Variants in KIF27 observed in about 807,000 individuals in gnomAD.
The protein encoded by KIF27 is kinesin family member 27.
In KIF27, 84 loss-of-function variants were observed where a neutral mutation model predicts 141.8. That is an observed-to-expected ratio of 0.59 (90% CI 0.50 to 0.71). The LOEUF (loss-of-function observed/expected upper bound fraction) is 0.71. Among genes scored for constraint, KIF27 ranks in the 30% least tolerant of loss-of-function variants. KIF27 has a pLI of 0.00. For missense variants in KIF27, 1,306 were observed against 1,628.4 expected, an observed-to-expected ratio of 0.80 and a Z score of 3.41; for synonymous variants, 471 against 569.5, an observed-to-expected ratio of 0.83 and a Z score of 2.46.
At chr9:83,894,834 G>C (rs115722436) in intron 5 of KIF27, among the ~76,000 whole-genome samples, 3,093 of 151,842 alleles carry the variant, frequency 0.02, no homozygotes, top group African/African-American at 0.071. Context: ...AATATATATT[G>C]AGTTCTCATA....
chr9:83,848,862 G>T lies in KIF27; in HGVS notation c.3556+1237C>A, dbSNP rs1948192798. ...GGGTCTTAACTCTGTCACCCAGGCT[G>T]GAGTGCAGTGGTGTGACCACAGCCA... On this transcript the variant is annotated intron_variant, in intron 16 of 17. Transcript: ENST00000297814. 2.6e-5 allele frequency: 4 copies of T among 151,726 alleles called. No individual in the cohort carries two copies. The South Asian group carries it at 8.3e-4, about 32-fold the overall frequency. The allele number at this position is 151,726 out of a possible 1,614,324, so 9.4% of individuals were successfully genotyped here. A position where few individuals can be genotyped will look rare whatever the true frequency, so the allele number is the denominator to read the frequency against.
At chr9:83,863,690 T>C (rs1377662430) in intron 13 of KIF27, 1 of 152,258 alleles carries the variant, frequency 6.6e-6, no homozygotes, top group African/African-American at 2.4e-5. Flanking sequence ...GCTGGCCTCA[T>C]AAAATGAGTT....
intron 14 of KIF27, among the ~76,000 whole-genome samples, chr9:83,855,349 T>C (rs982025548): frequency 1.9e-4 from 29 of 152,206 alleles, no homozygotes; most frequent in Admixed American, 1.2e-3. Flanking sequence ...AGTGTGAATA[T>C]TTCTGATCTA....
chr9:83,892,204 C>T (rs1225369432), intron 5 of KIF27, among the ~76,000 whole-genome samples: 4 of 152,100 alleles, frequency 2.6e-5, no homozygotes, highest in Admixed American at 2.6e-4. Flanking sequence ...AGTCATTCAT[C>T]TTAATACTTC....
chr9:83,902,996 A>G, intron 4 of KIF27, 64 bp downstream of exon 4: 2 of 1,026,450 alleles, frequency 1.9e-6, no homozygotes. Flanking sequence ...GTACCCCCAA[A>G]ATATGTACAT....
intron 12 of KIF27, among the ~76,000 whole-genome samples, chr9:83,869,270 A>G (rs1358148921): frequency 6.6e-6 from 1 of 152,176 alleles, no homozygotes; most frequent in Non-Finnish European, 1.5e-5. Context: ...TTTTAAATAC[A>G]GTATTTTTTG....
At chr9:83,838,304 G>A (rs1946143515) in intron 17 of KIF27, among the ~76,000 whole-genome samples, 1 of 152,090 alleles carries the variant, frequency 6.6e-6, no homozygotes. Flanking sequence ...CGTGATCTCG[G>A]CTCACTGCAA....
chr9:83,842,879 C>T (rs1946758477), intron 16 of KIF27, among the ~76,000 whole-genome samples: 1 of 152,160 alleles, frequency 6.6e-6, no homozygotes, highest in South Asian at 2.1e-4. Context: ...ATTTTTCTGC[C>T]TGTAAAATTT....
chr9:83,848,323 CTATATATCTA>C lies in KIF27; in HGVS notation c.3556+1766_3556+1775del. 4.6e-5 allele frequency among the ~76,000 whole-genome samples: 4 copies of C among 86,754 alleles called. 2 individuals carry two copies. Among genetic ancestry groups the C allele is most frequent in the African/African-American group, 2.0e-4 (4 of 20,164 alleles). The allele number at this position is 86,754 out of a possible 152,430, so 56.9% of individuals were successfully genotyped here. A position where few individuals can be genotyped will look rare whatever the true frequency, so the allele number is the denominator to read the frequency against. On this transcript the variant is annotated intron_variant, in intron 16 of 17. Transcript: ENST00000297814. ...ATGATATATATGATATATCATATATCTATATATCTATATATATCTATGTATCTATATATAT... is the reference window on the plus strand; with the variant it reads ...ATGATATATATGATATATCATATATCTATATATCTATGTATCTATATATAT...
rs554692611 is a variant in KIF27, at chr9:83,902,565, T to A, written c.1458+495A>T. 4.5e-4 allele frequency among the ~76,000 whole-genome samples: 69 copies of A among 152,320 alleles called. No individual in the cohort carries two copies. The East Asian group carries it at 0.01, about 23-fold the overall frequency. On this transcript the variant is annotated intron_variant, in intron 4 of 17. Coordinates refer to ENST00000297814, the MANE Select transcript of KIF27 (RefSeq NM_017576.4). Reference sequence around the variant, plus strand: ...AATATGCTAATTTGTTGGTTTTTTTTAAAACCTATACTCCAAACACAAGAG... The same window carrying A: ...AATATGCTAATTTGTTGGTTTTTTTAAAAACCTATACTCCAAACACAAGAG...
intron 16 of KIF27, among the ~76,000 whole-genome samples, chr9:83,848,215 A>ATATATCATATATGATATC (rs1564286060): frequency 1.6e-5 from 1 of 60,906 alleles, no homozygotes; most frequent in Non-Finnish European, 3.0e-5. Context: ...TATGATATAT[A>ATATATCATATATGATATC]TGATATATCA....
At chr9:83,839,093 GAGGC>G (rs770950105) in intron 17 of KIF27, among the ~76,000 whole-genome samples, 1,558 of 152,162 alleles carry the variant, frequency 0.01, 20 homozygotes, top group Non-Finnish European at 0.018. Flanking sequence ...ACAGGAGTTT[GAGGC>G]TACAGTGAGC....
intron 17 of KIF27, 190 bp from the exon 18 acceptor site, chr9:83,837,675 T>C: frequency 2.0e-6 from 1 of 495,078 alleles, no homozygotes; most frequent in Non-Finnish European, 3.5e-6. Context: ...CTTACAGGCA[T>C]CTTGCATGTG....
Position 83,889,120 on chromosome 9 carries a change from T to A in KIF27, c.1943A>T (p.Asp648Val), listed in dbSNP as rs187689772. 599 of 1,613,800 alleles carry A rather than the reference T, an allele frequency of 3.7e-4. 5 individuals are homozygous for A. The East Asian group carries it at 0.013, about 36-fold the overall frequency. ...LHCQFSDNSD[D>V]EESEGQEKSG... ...TTTCTCTTGGCCTTCTGATTCTTCA[T>A]CATCACTGTTATCAGAAAATTGGCA... Residue 648 changes from aspartate to valine, a missense_variant, in exon 7 of 18, where the codon GAT becomes GTT. Transcript: ENST00000297814.
At chr9:83,877,846 T>G (rs1373367985) in intron 11 of KIF27, among the ~76,000 whole-genome samples, 1 of 152,056 alleles carries the variant, frequency 6.6e-6, no homozygotes, top group Non-Finnish European at 1.5e-5. Flanking sequence ...GACAAAGAAC[T>G]TGAATAGACA....
chr9:83,897,091 C>G (rs921256053), intron 5 of KIF27, among the ~76,000 whole-genome samples: 1 of 151,952 alleles, frequency 6.6e-6, no homozygotes, highest in African/African-American at 2.4e-5. Flanking sequence ...TGAATTATAT[C>G]TCAATAAAGT....
intron 11 of KIF27, among the ~76,000 whole-genome samples, chr9:83,873,803 A>G (rs1950986877): frequency 6.6e-6 from 1 of 152,180 alleles, no homozygotes; most frequent in Non-Finnish European, 1.5e-5. Flanking sequence ...TAATCCCAGC[A>G]CTTTGGGAGG....
At chr9:83,911,308 G>A (rs1955138599) in intron 2 of KIF27, among the ~76,000 whole-genome samples, 1 of 152,128 alleles carries the variant, frequency 6.6e-6, no homozygotes, top group African/African-American at 2.4e-5. Context: ...TTGGCTCACT[G>A]CAACCTCCAC....
chr9:83,921,414 C>T lies in KIF27; in HGVS notation c.-131G>A, dbSNP rs1174504256. On this transcript the variant is annotated 5_prime_UTR_variant, in exon 1 of 18. Coordinates refer to ENST00000297814, the MANE Select transcript of KIF27 (RefSeq NM_017576.4). ...GCCCCTGTCGGCGAGCGCTGGACTC[C>T]TCAGCTTCGCTCTGCCACACCGCGC... 6.6e-6 allele frequency: 1 copy of T among 152,374 alleles called. No individual in the cohort carries two copies. The highest frequency in any genetic ancestry group is 2.4e-5 in the African/African-American group (1 of 41,460). The allele number at this position is 152,374 out of a possible 1,614,324, so 9.4% of individuals were successfully genotyped here. A position where few individuals can be genotyped will look rare whatever the true frequency, so the allele number is the denominator to read the frequency against.
Sources: gnomAD v4.1 joint callset for allele counts (sites outside exome capture counted in the v4.1 genomes callset) on GRCh38, gnomAD v4.1.1 for gene constraint, MANE v1.5 for transcripts, NCBI Gene and HGNC (gene_info 2026-07-23, HGNC 2026-07-21) for gene names.